The following DACH1 variants were observed in gnomAD, a reference collection of about 807,000 sequenced individuals.
The protein encoded by DACH1 is dachshund homolog 1.
DACH1 carries 12 observed loss-of-function variants against 54.2 expected under a neutral mutation model. The ratio of observed to expected loss-of-function variants is 0.22; its 90% CI spans 0.14 to 0.36. The LOEUF (loss-of-function observed/expected upper bound fraction) is 0.36, where lower values mean the gene tolerates loss of function less well. Ranked by LOEUF, DACH1 falls within the 10% of genes least tolerant of loss-of-function variation. The pLI is 1.00. For missense variants in DACH1, 805 were observed against 929.8 expected (o/e 0.87, Z 1.75); for synonymous variants, 386 against 366.2 (o/e 1.05, Z -0.62).
chr13:71,778,369 T>A (rs2138055347), intron 1 of DACH1, among the ~76,000 whole-genome samples: 1 of 152,122 alleles, frequency 6.6e-6, no homozygotes, highest in South Asian at 2.1e-4. Context: ...TTTACTGATC[T>A]TTGTCTTTAA....
chr13:71,808,427 A>G (rs1887593430), intron 1 of DACH1, among the ~76,000 whole-genome samples: 1 of 152,180 alleles, frequency 6.6e-6, no homozygotes, highest in African/African-American at 2.4e-5. Context: ...GCTATGATCA[A>G]AGCTCTAAAC....
At chr13:71,617,433 A>G (rs776305490) in intron 3 of DACH1, among the ~76,000 whole-genome samples, 3 of 152,196 alleles carry the variant, frequency 2.0e-5, no homozygotes, top group Non-Finnish European at 4.4e-5. Flanking sequence ...GCATGAGTTT[A>G]TGATACAGAA....
intron 2 of DACH1, among the ~76,000 whole-genome samples, chr13:71,680,577 C>A (rs1880839803): frequency 6.6e-6 from 1 of 151,846 alleles, no homozygotes; most frequent in Admixed American, 6.6e-5. Context: ...GCATTACAGC[C>A]CAGGTAATAG....
chr13:71,866,440 G>T lies in DACH1; in HGVS notation c.330C>A (p.Ala110=). The T allele has an allele frequency of 1.4e-6, 2 of 1,406,618 alleles. No homozygotes were observed. The highest frequency in any genetic ancestry group is 2.6e-5 in the Admixed American group (1 of 38,306). 87.1% of individuals were successfully genotyped at this position (1,406,618 alleles called of 1,614,324 possible). ...GGSNCNPNLA[A]ASNGSGGGGG... is the part of the protein sequence containing the mutation. ...CGCCGCCGCCGCTGCCGTTGCTCGC[G>T]GCCGCCAGGTTGGGGTTGCAGTTGC... is the stretch of plus-strand genomic sequence containing the variant. The change falls in exon 1 of 11, where the codon GCC becomes GCA. Residue 110 remains alanine (A), a synonymous_variant. Transcript: ENST00000613252.
At chr13:71,771,816 G>A (rs897101984) in intron 1 of DACH1, among the ~76,000 whole-genome samples, 1 of 150,146 alleles carries the variant, frequency 6.7e-6, no homozygotes, top group African/African-American at 2.4e-5. Context: ...ACTAAGAAAA[G>A]GTAAATATTA....
At chr13:71,831,299 C>T (rs373387643) in intron 1 of DACH1, among the ~76,000 whole-genome samples, 5 of 151,232 alleles carry the variant, frequency 3.3e-5, no homozygotes, top group Admixed American at 6.6e-5. Flanking sequence ...TGTTAAAATG[C>T]CCCATTTAAA....
chr13:71,855,834 AG>A lies in DACH1; in HGVS notation c.848+10087del, dbSNP rs980238882. ...ATTTGGAAATGTTATTACAAGGAAA[AG>A]GTCCTAAAAAAGTTTCTTCTCCTAC... On this transcript the variant is annotated intron_variant, in intron 1 of 10. Coordinates refer to ENST00000613252, the MANE Select transcript of DACH1 (RefSeq NM_080759.6). Among the ~76,000 whole-genome samples the A allele has an allele frequency of 3.3e-5, 5 of 152,004 alleles. 1 individual carries two copies. The highest frequency in any genetic ancestry group is 2.0e-4 in the Admixed American group (3 of 15,248).
intron 3 of DACH1, among the ~76,000 whole-genome samples, chr13:71,610,008 C>T (rs998741024): frequency 1.3e-5 from 2 of 151,946 alleles, no homozygotes; most frequent in Admixed American, 1.3e-4. Flanking sequence ...AAATGAAGAA[C>T]CTAATATTCA....
intron 10 of DACH1, among the ~76,000 whole-genome samples, chr13:71,469,438 A>G (rs1402224598): frequency 6.6e-6 from 1 of 152,192 alleles, no homozygotes; most frequent in Non-Finnish European, 1.5e-5. Flanking sequence ...GTAAGTTAAC[A>G]AAACAAATAA....
chr13:71,840,584 C>A (rs1872770578), intron 1 of DACH1, among the ~76,000 whole-genome samples: 2 of 152,066 alleles, frequency 1.3e-5, no homozygotes, highest in Non-Finnish European at 2.9e-5. Flanking sequence ...TAGGCCTTTG[C>A]ATATTTATGT....
At chr13:71,563,188 A>G (rs920680385) in intron 4 of DACH1, among the ~76,000 whole-genome samples, 4 of 152,060 alleles carry the variant, frequency 2.6e-5, no homozygotes, top group African/African-American at 9.6e-5. Context: ...GTATAAAGAG[A>G]ATTTTCTAAA....
Position 71,750,925 on chromosome 13 carries a change from TA to T in DACH1, c.849-69016del, listed in dbSNP as rs961596567. ...CTAACATTAATTGAGAAAAGATGGC[TA>T]AAAAAAATAAATCCTATGTGAAACA... On this transcript the variant is annotated intron_variant, in intron 1 of 10. Coordinates refer to ENST00000613252, the MANE Select transcript of DACH1 (RefSeq NM_080759.6). 3.3e-5 allele frequency among the ~76,000 whole-genome samples: 5 copies of T among 152,066 alleles called. No individual in the cohort carries two copies. The South Asian group carries it at 8.3e-4, about 25-fold the overall frequency.
chr13:71,626,205 T>C (rs772908999), intron 3 of DACH1, among the ~76,000 whole-genome samples: 20 of 151,988 alleles, frequency 1.3e-4, no homozygotes, highest in Non-Finnish European at 2.5e-4. Context: ...GGGAGTAAGA[T>C]ACTAGGTTTA....
At chr13:71,536,826 C>G (rs1222168856) in intron 6 of DACH1, among the ~76,000 whole-genome samples, 2 of 152,084 alleles carry the variant, frequency 1.3e-5, no homozygotes, top group African/African-American at 2.4e-5. Flanking sequence ...GAAATCCGCT[C>G]AACACCACTT....
intron 1 of DACH1, chr13:71,846,074 T>C (rs1203298056): frequency 6.0e-6 from 1 of 167,630 alleles, no homozygotes; most frequent in Non-Finnish European, 1.4e-5. Context: ...CTTCTCAAAA[T>C]TGACGGTGTT....
chr13:71,627,598 C>T (rs962440554), intron 3 of DACH1, among the ~76,000 whole-genome samples: 5 of 152,164 alleles, frequency 3.3e-5, no homozygotes, highest in East Asian at 1.9e-4. Flanking sequence ...AATTCATGTG[C>T]TTCAGCACCG....
At chr13:71,640,550 G>C (rs571933489) in intron 2 of DACH1, among the ~76,000 whole-genome samples, 1 of 152,098 alleles carries the variant, frequency 6.6e-6, no homozygotes, top group African/African-American at 2.4e-5. Flanking sequence ...AAATTGAACT[G>C]ACATGCCTTG....
chr13:71,672,360 C>A (rs1447310085), intron 2 of DACH1, among the ~76,000 whole-genome samples: 6 of 152,252 alleles, frequency 3.9e-5, no homozygotes, highest in Admixed American at 1.3e-4. Flanking sequence ...ACACTATGAT[C>A]TTTCTGGCTT....
intron 1 of DACH1, among the ~76,000 whole-genome samples, chr13:71,713,079 T>C (rs1037363385): frequency 1.3e-5 from 2 of 149,626 alleles, no homozygotes; most frequent in Non-Finnish European, 2.9e-5. Flanking sequence ...AGATTTCTTC[T>C]TTTCTTCTTC....
Sources: gnomAD v4.1 joint callset for allele counts (sites outside exome capture counted in the v4.1 genomes callset) on GRCh38, gnomAD v4.1.1 for gene constraint, MANE v1.5 for transcripts, NCBI Gene and HGNC (gene_info 2026-07-23, HGNC 2026-07-21) for gene names.